MINDY4: variants seen among roughly 807,000 people sequenced by gnomAD.
MINDY4 encodes the protein MINDY lysine 48 deubiquitinase 4.
MINDY4 carries 68 observed loss-of-function variants against 87.0 expected under a neutral mutation model. The ratio of observed to expected loss-of-function variants is 0.78; its 90% CI spans 0.64 to 0.96. MINDY4 has a LOEUF of 0.96. MINDY4 is among the 40% of genes least tolerant of loss of function. MINDY4 has a pLI of 0.00. For synonymous variants in MINDY4, 379 were observed against 363.2 expected, an observed-to-expected ratio of 1.04 and a Z score of -0.50; for missense variants, 919 against 928.2, an observed-to-expected ratio of 0.99 and a Z score of 0.13.
chr7:30,884,460 G>C (rs897007425), intron 17 of MINDY4, among the ~76,000 whole-genome samples: 2 of 152,196 alleles, frequency 1.3e-5, no homozygotes, highest in Non-Finnish European at 2.9e-5. Flanking sequence ...ATGAGAGAAA[G>C]GCAGCAGTGG....
intron 3 of MINDY4, among the ~76,000 whole-genome samples, chr7:30,784,392 C>T (rs1176747271): frequency 6.6e-6 from 1 of 152,178 alleles, no homozygotes; most frequent in African/African-American, 2.4e-5. Context: ...CTCTGCCCAC[C>T]GGCGAGGGCC....
At chr7:30,868,561 G>C (rs543619420) in intron 13 of MINDY4, among the ~76,000 whole-genome samples, 17 of 152,360 alleles carry the variant, frequency 1.1e-4, no homozygotes, top group African/African-American at 4.1e-4. Context: ...AGAGAGCCCT[G>C]AGTCTGGGCT....
rs1332417896 is a variant in MINDY4, at chr7:30,784,673, G to A, written c.420-1076G>A. The stretch of plus-strand genomic sequence containing the variant: ...GCGTGCTGGGGCTGGGCCTTCTGGG[G>A]ACCTCTTGCTGCCTGGTTCTCTCAG... On this transcript the variant is annotated intron_variant, in intron 3 of 17. Transcript: ENST00000265299. Among the ~76,000 whole-genome samples, 3 of 152,218 alleles carry A rather than the reference G, an allele frequency of 2.0e-5. 1 individual carries two copies.
At chr7:30,782,667 C>T (rs1382191466) in intron 3 of MINDY4, among the ~76,000 whole-genome samples, 3 of 151,690 alleles carry the variant, frequency 2.0e-5, no homozygotes, top group Admixed American at 6.6e-5. Context: ...CACACCACTG[C>T]ATGGTAGCTT....
Position 30,875,626 on chromosome 7 carries a change from A to C in MINDY4, c.1941A>C (p.Leu647Phe). 6.2e-7 allele frequency: 1 copy of C among 1,613,782 alleles called. No homozygotes were observed. Among genetic ancestry groups the C allele is most frequent in the South Asian group, 1.1e-5 (1 of 91,046 alleles). ...GIAARSDIGF[L>F]SLFEHYNMCQ... ...CTGCACGCAGTGATATTGGCTTCTT[A>C]TCTCTCTTTGAGCATTACAACATGT... Residue 647 changes from leucine (L) to phenylalanine (F), a missense_variant, in exon 15 of 18, where the codon TTA becomes TTC. Transcript: ENST00000265299.
intron 9 of MINDY4, among the ~76,000 whole-genome samples, chr7:30,845,795 A>G (rs953028156): frequency 6.6e-6 from 1 of 152,216 alleles, no homozygotes; most frequent in East Asian, 1.9e-4. Context: ...AAATAAAGGC[A>G]TCTTGGCAGT....
chr7:30,842,665 C>T (rs771054268), intron 9 of MINDY4, among the ~76,000 whole-genome samples: 1 of 152,194 alleles, frequency 6.6e-6, no homozygotes, highest in Non-Finnish European at 1.5e-5. Flanking sequence ...AGGGGACATG[C>T]ACGGTGCTAA....
At chr7:30,882,389 C>T in intron 16 of MINDY4, 28 bp downstream of exon 16, 1 of 1,457,832 alleles carries the variant, frequency 6.9e-7, no homozygotes, top group South Asian at 1.4e-5. Flanking sequence ...CCCACCCACC[C>T]AACCCTGTCC....
Position 30,892,169 on chromosome 7 carries a change from C to A in MINDY4, c.*164C>A. ...CCTGCCCCTTCCATGAAGGGCCCAC[C>A]CAAGACTGTGCTGGGGACCCAGTGT... On this transcript the variant is annotated 3_prime_UTR_variant, in exon 18 of 18. Transcript: ENST00000265299. 1 of 686,162 alleles carries A rather than the reference C, an allele frequency of 1.5e-6. No homozygotes were observed. The highest frequency in any genetic ancestry group is 2.7e-5 in the East Asian group (1 of 37,510). The allele number at this position is 686,162 out of a possible 1,614,324, so 42.5% of individuals were successfully genotyped here.
chr7:30,884,342 A>G (rs187796134), intron 17 of MINDY4, among the ~76,000 whole-genome samples: 2 of 152,290 alleles, frequency 1.3e-5, no homozygotes, highest in Admixed American at 1.3e-4. Context: ...TGAGCCAGGG[A>G]TGAAGCATTC....
chr7:30,782,114 GC>G lies in MINDY4; in HGVS notation c.323del (p.Pro108HisfsTer10). The G allele has an allele frequency of 6.2e-7, 1 of 1,614,020 alleles. No homozygotes were observed. Among genetic ancestry groups the G allele is most frequent in the Non-Finnish European group, 8.5e-7 (1 of 1,180,012 alleles). On this transcript the variant is annotated frameshift_variant, in exon 3 of 18. Coordinates refer to ENST00000265299, the MANE Select transcript of MINDY4 (RefSeq NM_032222.3). LOFTEE classifies it high-confidence loss of function. Reference sequence around the variant, plus strand: ...CAGTTCCAAAGAAAAATAACAAAGTGCCATCAAGATGCTCAGAGACTACACT... The same window carrying G: ...CAGTTCCAAAGAAAAATAACAAAGTGCATCAAGATGCTCAGAGACTACACT... ...LSVPKKNNKV[P>X]SRCSETTLVN...
chr7:30,892,046 C>A lies in MINDY4; in HGVS notation c.*41C>A, dbSNP rs1039854661. 2.5e-6 allele frequency: 4 copies of A among 1,607,474 alleles called. No individual in the cohort carries two copies. The highest frequency in any genetic ancestry group is 1.3e-5 in the African/African-American group (1 of 74,926). On this transcript the variant is annotated 3_prime_UTR_variant, in exon 18 of 18. Coordinates refer to ENST00000265299, the MANE Select transcript of MINDY4 (RefSeq NM_032222.3). ...AAACCCTGTGGTCCACCACTCATCA[C>A]CTCATCACCGAGGATGACAGCTGAA... is the stretch of plus-strand genomic sequence containing the variant.
chr7:30,829,839 G>A (rs1223233178), intron 6 of MINDY4, among the ~76,000 whole-genome samples: 3 of 152,176 alleles, frequency 2.0e-5, no homozygotes, highest in East Asian at 1.9e-4. Context: ...CAAGAAAAGC[G>A]GTTCCTGGTC....
At chr7:30,852,485 A>C in intron 11 of MINDY4, 1 of 510,110 alleles carries the variant, frequency 2.0e-6, no homozygotes, top group South Asian at 8.4e-5. Flanking sequence ...TACGGCCAAA[A>C]GGCTGACTGG....
At chr7:30,858,968 G>C in intron 12 of MINDY4, 1 of 663,428 alleles carries the variant, frequency 1.5e-6, no homozygotes, top group South Asian at 1.5e-5. Context: ...CCATAATGGA[G>C]CTGGCCATGA....
At chr7:30,821,558 GC>G (rs1410873784) in intron 5 of MINDY4, among the ~76,000 whole-genome samples, 1 of 152,106 alleles carries the variant, frequency 6.6e-6, no homozygotes, top group Non-Finnish European at 1.5e-5. Flanking sequence ...GTCTAGGTAT[GC>G]ATTTATTTTT....
intron 17 of MINDY4, among the ~76,000 whole-genome samples, chr7:30,891,734 C>T (rs964208269): frequency 6.6e-6 from 1 of 152,196 alleles, no homozygotes; most frequent in Non-Finnish European, 1.5e-5. Flanking sequence ...CACCTGCCGC[C>T]TGGCCTCTCC....
In MINDY4 at chr7:30,771,489, G is replaced by A. The variant is rs1584216194; in HGVS notation, c.-5G>A. The A allele has an allele frequency of 6.2e-7, 1 of 1,603,798 alleles. No individual in the cohort carries two copies. Among genetic ancestry groups the A allele is most frequent in the Non-Finnish European group, 8.5e-7 (1 of 1,176,520 alleles). ...GGCCTCGTGGGCAGAGCCAGAGCCA[G>A]AGCCATGGACAGCCTCTTCGTGGAG... On this transcript the variant is annotated 5_prime_UTR_variant, in exon 1 of 18. Transcript: ENST00000265299.
Position 30,782,096 on chromosome 7 carries a change from A to G in MINDY4, c.303A>G (p.Pro101=), listed in dbSNP as rs776018195. The part of the protein sequence containing the change: ...QDTPIPALSV[P]KKNNKVPSRC... ...CCCCAATCCCTGCACTCTCAGTTCC[A>G]AAGAAAAATAACAAAGTGCCATCAA... Residue 101 remains proline, a synonymous_variant, in exon 3 of 18, where the codon CCA becomes CCG. Transcript: ENST00000265299. 1 of 1,614,148 alleles carries G rather than the reference A, an allele frequency of 6.2e-7. No individual in the cohort carries two copies. The highest frequency in any genetic ancestry group is 2.2e-5 in the East Asian group (1 of 44,872).
Sources: gnomAD v4.1 joint callset for allele counts (sites outside exome capture counted in the v4.1 genomes callset) on GRCh38, gnomAD v4.1.1 for gene constraint, MANE v1.5 for transcripts, NCBI Gene and HGNC (gene_info 2026-07-23, HGNC 2026-07-21) for gene names.